PLCB1: variants seen among roughly 807,000 people sequenced by gnomAD.
PLCB1 encodes phospholipase C beta 1.
A neutral mutation model predicts 161.8 loss-of-function variants in PLCB1; 46 were observed. The observed-to-expected ratio is 0.28, with a 90% CI of 0.22 to 0.36. The LOEUF is 0.36. PLCB1 is among the 10% of genes least tolerant of loss of function. PLCB1 has a pLI of 1.00. For synonymous variants in PLCB1, 517 were observed against 503.7 expected (o/e 1.03, Z -0.35); for missense variants, 1,016 against 1,472.5 (o/e 0.69, Z 5.07).
intron 2 of PLCB1, among the ~76,000 whole-genome samples, chr20:8,160,839 C>A (rs1180074579): frequency 2.6e-5 from 4 of 152,162 alleles, no homozygotes; most frequent in African/African-American, 7.2e-5. Flanking sequence ...CACACACACA[C>A]AAAATATTAA....
intron 2 of PLCB1, among the ~76,000 whole-genome samples, chr20:8,217,118 G>C (rs1486366028): frequency 6.6e-6 from 1 of 152,080 alleles, no homozygotes; most frequent in Admixed American, 6.6e-5. Flanking sequence ...TTTACTGAAG[G>C]TGACATTTCC....
chr20:8,745,148 G>A (rs1467372838), intron 23 of PLCB1, among the ~76,000 whole-genome samples: 1 of 151,856 alleles, frequency 6.6e-6, no homozygotes, highest in African/African-American at 2.4e-5. Flanking sequence ...CTCTTAACTG[G>A]CCTCATTTTT....
intron 1 of PLCB1, among the ~76,000 whole-genome samples, chr20:8,137,165 C>T (rs2123003431): frequency 6.6e-6 from 1 of 152,316 alleles, no homozygotes; most frequent in South Asian, 2.1e-4. Context: ...TAGTATATTG[C>T]ACACTTCCCA....
At chr20:8,201,821 G>T (rs532671917) in intron 2 of PLCB1, among the ~76,000 whole-genome samples, 1 of 152,054 alleles carries the variant, frequency 6.6e-6, no homozygotes, top group African/African-American at 2.4e-5. Flanking sequence ...TTAAATTCTC[G>T]TTGAGAAAAT....
At chr20:8,449,694 A>G (rs978096448) in intron 3 of PLCB1, among the ~76,000 whole-genome samples, 4 of 151,920 alleles carry the variant, frequency 2.6e-5, no homozygotes, top group Non-Finnish European at 5.9e-5. Context: ...GTGGTAAGAA[A>G]CTCATTCCTG....
rs368791318 is a variant in PLCB1 at position 8,704,984 on chromosome 20, C to CTT, written c.1168-3674_1168-3673dup. ...CAGAAACAGCAAATTCTCCTTTACTCTTTTTTTTTTTTTCCTATTCAGGCT... is the reference window on the plus strand; with the variant it reads ...CAGAAACAGCAAATTCTCCTTTACTCTTTTTTTTTTTTTTTCCTATTCAGGCT... On this transcript the variant is annotated intron_variant, in intron 11 of 31. Transcript: ENST00000338037. Among the ~76,000 whole-genome samples, 66 of 118,802 alleles carry CTT rather than the reference C, an allele frequency of 5.6e-4. 2 individuals carry two copies. The highest frequency in any genetic ancestry group is 3.3e-5 in the African/African-American group (1 of 30,114). The allele number at this position is 118,802 out of a possible 152,430, so 77.9% of individuals were successfully genotyped here. A position where few individuals can be genotyped will look rare whatever the true frequency, so the allele number is the denominator to read the frequency against.
chr20:8,355,752 C>G (rs1438053799), intron 2 of PLCB1, among the ~76,000 whole-genome samples: 1 of 152,094 alleles, frequency 6.6e-6, no homozygotes, highest in Non-Finnish European at 1.5e-5. Flanking sequence ...AAGAGTAGCA[C>G]CATTATAGTA....
intron 3 of PLCB1, among the ~76,000 whole-genome samples, chr20:8,391,879 T>G (rs146787674): frequency 2.2e-3 from 323 of 148,222 alleles, no homozygotes; most frequent in African/African-American, 7.7e-3. Flanking sequence ...GATTAGGTCA[T>G]AAACTAATGT....
intron 3 of PLCB1, among the ~76,000 whole-genome samples, chr20:8,601,939 T>A (rs935508576): frequency 2.0e-5 from 3 of 152,080 alleles, no homozygotes; most frequent in African/African-American, 7.2e-5. Flanking sequence ...ATCAATCCCT[T>A]CCTCTTTCCC....
chr20:8,735,951 C>A (rs1568578338), intron 19 of PLCB1, among the ~76,000 whole-genome samples: 1 of 152,196 alleles, frequency 6.6e-6, no homozygotes, highest in Non-Finnish European at 1.5e-5. Flanking sequence ...CTTTACTCAG[C>A]CTTTGATAGC....
At chr20:8,403,335 C>T (rs936844465) in intron 3 of PLCB1, among the ~76,000 whole-genome samples, 2 of 150,424 alleles carry the variant, frequency 1.3e-5, no homozygotes, top group Non-Finnish European at 1.5e-5. Flanking sequence ...GAGCTATGAT[C>T]GCACCACAGC....
At chr20:8,720,876 A>G (rs1979592639) in intron 14 of PLCB1, among the ~76,000 whole-genome samples, 1 of 152,004 alleles carries the variant, frequency 6.6e-6, no homozygotes, top group Admixed American at 6.6e-5. Flanking sequence ...AAAGGTAATA[A>G]GAACTTGGGA....
intron 27 of PLCB1, among the ~76,000 whole-genome samples, chr20:8,780,045 G>A (rs1171328436): frequency 3.3e-5 from 5 of 152,190 alleles, no homozygotes; most frequent in African/African-American, 9.7e-5. Context: ...CCCAGGTAAG[G>A]ACTTTTGCTC....
chr20:8,326,078 G>A (rs1256535861), intron 2 of PLCB1, among the ~76,000 whole-genome samples: 1 of 152,124 alleles, frequency 6.6e-6, no homozygotes, highest in African/African-American at 2.4e-5. Flanking sequence ...TTTACCCTTC[G>A]AGGTTGTTTA....
intron 3 of PLCB1, among the ~76,000 whole-genome samples, chr20:8,526,546 A>C (rs1984591451): frequency 6.6e-6 from 1 of 152,108 alleles, no homozygotes; most frequent in South Asian, 2.1e-4. Context: ...ACTTATTAAT[A>C]CATTTCCATC....
chr20:8,423,199 C>A (rs1203784997), intron 3 of PLCB1, among the ~76,000 whole-genome samples: 1 of 152,124 alleles, frequency 6.6e-6, no homozygotes, highest in Non-Finnish European at 1.5e-5. Flanking sequence ...ACTTCATAAG[C>A]CCCAAGACAT....
chr20:8,482,391 C>T (rs757151010), intron 3 of PLCB1, among the ~76,000 whole-genome samples: 12 of 152,146 alleles, frequency 7.9e-5, no homozygotes, highest in Non-Finnish European at 1.6e-4. Flanking sequence ...TGTGAGCCAC[C>T]GTGCCCAGCC....
chr20:8,556,996 AAAT>A (rs1347006839), intron 3 of PLCB1, among the ~76,000 whole-genome samples: 1 of 138,924 alleles, frequency 7.2e-6, no homozygotes, highest in African/African-American at 3.0e-5. Context: ...ATAAATAAAT[AAAT>A]AAATAAATAA....
At chr20:8,162,510 T>A (rs2051636550) in intron 2 of PLCB1, among the ~76,000 whole-genome samples, 2 of 152,216 alleles carry the variant, frequency 1.3e-5, no homozygotes. Context: ...TCAGGTGTGA[T>A]AGGAAGTTTG....
Sources: gnomAD v4.1 joint callset for allele counts (sites outside exome capture counted in the v4.1 genomes callset) on GRCh38, gnomAD v4.1.1 for gene constraint, MANE v1.5 for transcripts, NCBI Gene and HGNC (gene_info 2026-07-23, HGNC 2026-07-21) for gene names.